The following RTL4 variants were observed in gnomAD, a reference collection of about 807,000 sequenced individuals.
RTL4 encodes retrotransposon Gag-like protein 4.
RTL4 carries 4 observed loss-of-function variants against 5.3 expected under a neutral mutation model. The observed-to-expected ratio is 0.75, with a 90% CI of 0.37 to 1.72. The LOEUF is 1.72. RTL4 is among the 40% of genes most tolerant of loss of function. The pLI, the probability that RTL4 is intolerant of heterozygous loss-of-function variation, is 0.04. For missense variants in RTL4, 260 were observed against 227.1 expected (o/e 1.14, Z -0.93); for synonymous variants, 98 against 87.3 (o/e 1.12, Z -0.68).
the RTL4 span, among the ~76,000 whole-genome samples, chrX:112,158,906 C>T: frequency 2.7e-5 from 3 of 111,378 alleles, no homozygotes; most frequent in African/African-American, 3.3e-5. Flanking sequence ...GACTGACTTT[C>T]GAAAGGTTTA....
At chrX:112,118,013 ATAATGTAGGGCTTATATT>A in the RTL4 span, among the ~76,000 whole-genome samples, 4 of 112,003 alleles carry the variant, frequency 3.6e-5, no homozygotes, top group African/African-American at 6.5e-5. Flanking sequence ...ATTAAAAATA[ATAATGTAGGGCTTATATT>A]TATGGAAATG....
chrX:112,431,853 T>A, the RTL4 span, among the ~76,000 whole-genome samples: 92 of 102,218 alleles, frequency 9.0e-4, no homozygotes, highest in African/African-American at 3.1e-3. Context: ...TAGCATTAGG[T>A]ATATCTCCTA....
the RTL4 span, among the ~76,000 whole-genome samples, chrX:112,215,997 G>T: frequency 2.7e-5 from 3 of 111,541 alleles, no homozygotes; most frequent in African/African-American, 9.8e-5. Flanking sequence ...TAAAAATCAG[G>T]GGGTTGCACG....
chrX:112,447,648 A>G, the RTL4 span, among the ~76,000 whole-genome samples: 8 of 112,151 alleles, frequency 7.1e-5, no homozygotes, highest in African/African-American at 2.3e-4. Context: ...TGCCTTGCCT[A>G]TATCACATTT....
the RTL4 span, among the ~76,000 whole-genome samples, chrX:112,435,564 T>C: frequency 1.8e-5 from 2 of 111,860 alleles, no homozygotes; most frequent in Non-Finnish European, 3.8e-5. Context: ...CATGCCCTCA[T>C]GATACATCTC....
At chrX:112,258,105 A>G in the RTL4 span, among the ~76,000 whole-genome samples, 2 of 110,282 alleles carry the variant, frequency 1.8e-5, no homozygotes, top group Non-Finnish European at 3.8e-5. Context: ...GGCTCAGCTT[A>G]GAGAGTGTTT....
At chrX:112,310,230 T>G in the RTL4 span, among the ~76,000 whole-genome samples, 1 of 96,193 alleles carries the variant, frequency 1.0e-5, no homozygotes, top group African/African-American at 3.8e-5. Context: ...AGAGCTCTCA[T>G]GATAGGATTA....
At chrX:112,448,703 G>T in the RTL4 span, among the ~76,000 whole-genome samples, 1 of 111,437 alleles carries the variant, frequency 9.0e-6, no homozygotes, top group African/African-American at 3.3e-5. Flanking sequence ...CCTCCCAACT[G>T]CATCTTTGGA....
the RTL4 span, among the ~76,000 whole-genome samples, chrX:112,253,751 A>G: frequency 8.9e-6 from 1 of 112,504 alleles, no homozygotes; most frequent in African/African-American, 3.2e-5. Context: ...CTAGGCCTCA[A>G]TCTTAGCCCC....
chrX:112,432,832 C>G, the RTL4 span, among the ~76,000 whole-genome samples: 24,917 of 110,532 alleles, frequency 0.23, 2,146 homozygotes, highest in Middle Eastern at 0.27. Flanking sequence ...ATGATATTGC[C>G]TAGGTTTTCT....
At chrX:112,438,188 T>A in the RTL4 span, among the ~76,000 whole-genome samples, 1 of 109,216 alleles carries the variant, frequency 9.2e-6, no homozygotes, top group African/African-American at 3.4e-5. Context: ...AGTCAAAATA[T>A]CATCTGTGGC....
the RTL4 span, among the ~76,000 whole-genome samples, chrX:112,317,845 G>A: frequency 3.6e-5 from 4 of 111,613 alleles, no homozygotes; most frequent in Non-Finnish European, 7.5e-5. Flanking sequence ...AGGTCTGTCT[G>A]ATTCCAAAGC....
At chrX:112,332,628 CA>C in the RTL4 span, among the ~76,000 whole-genome samples, 1 of 95,332 alleles carries the variant, frequency 1.0e-5, no homozygotes, top group African/African-American at 4.1e-5. Flanking sequence ...GGGAATTGAA[CA>C]ATGAGAACAC....
chrX:112,192,596 C>T, the RTL4 span, among the ~76,000 whole-genome samples: 1 of 111,107 alleles, frequency 9.0e-6, no homozygotes, highest in Admixed American at 9.6e-5. Context: ...TTATAACAAT[C>T]CATTTCAGAT....
chrX:112,200,208 T>G, the RTL4 span, among the ~76,000 whole-genome samples: 2 of 111,808 alleles, frequency 1.8e-5, no homozygotes, highest in Non-Finnish European at 3.8e-5. Context: ...ACTACTTGGC[T>G]TTGTTGTGAC....
chrX:112,297,416 G>A, the RTL4 span, among the ~76,000 whole-genome samples: 27 of 111,586 alleles, frequency 2.4e-4, no homozygotes, highest in South Asian at 2.3e-3. Flanking sequence ...GGAAGCAGGC[G>A]CGTCCTACAC....
chrX:112,260,970 C>T, the RTL4 span, among the ~76,000 whole-genome samples: 1 of 111,786 alleles, frequency 8.9e-6, no homozygotes, highest in Non-Finnish European at 1.9e-5. Context: ...TAAATTGTAA[C>T]TCTGTCCCCT....
At chrX:112,397,948 C>T in the RTL4 span, among the ~76,000 whole-genome samples, 1 of 111,771 alleles carries the variant, frequency 8.9e-6, no homozygotes, top group Non-Finnish European at 1.9e-5. Context: ...AACAGATTTA[C>T]TTCTTTTTCT....
At chrX:112,177,628 T>C in the RTL4 span, among the ~76,000 whole-genome samples, 295 of 110,604 alleles carry the variant, frequency 2.7e-3, 1 homozygote, top group African/African-American at 9.3e-3. Context: ...TGCCGTTCTG[T>C]GGACTGTCTC....
Sources: allele counts gnomAD v4.1 joint callset (sites outside exome capture counted in the v4.1 genomes callset), GRCh38; gene constraint gnomAD v4.1.1; transcripts MANE v1.5; gene names NCBI Gene and HGNC (gene_info 2026-07-23, HGNC 2026-07-21).